KIAA1328: variants seen among roughly 807,000 people sequenced by gnomAD.
KIAA1328 encodes KIAA1328, also known as protein hinderin.
A neutral mutation model predicts 68.1 loss-of-function variants in KIAA1328; 52 were observed. The ratio of observed to expected loss-of-function variants is 0.76; its 90% CI spans 0.61 to 0.96. The LOEUF is 0.96. KIAA1328 is among the 40% of genes least tolerant of loss of function. The pLI, the probability that KIAA1328 is intolerant of heterozygous loss-of-function variation, is 0.00. For synonymous variants in KIAA1328, 232 were observed against 239.4 expected, an observed-to-expected ratio of 0.97 and a Z score of 0.28; for missense variants, 641 against 677.6, an observed-to-expected ratio of 0.95 and a Z score of 0.60.
At chr18:37,229,271 G>A (rs141519254), downstream of KIAA1328, among the ~76,000 whole-genome samples, 1 of 152,132 alleles carries the variant, frequency 6.6e-6, no homozygotes, top group African/African-American at 2.4e-5. Flanking sequence ...CACACCCTTG[G>A]CTGGGCCCTG....
chr18:36,849,286 T>C (rs968679969), intron 4 of KIAA1328, among the ~76,000 whole-genome samples: 1 of 152,012 alleles, frequency 6.6e-6, no homozygotes, highest in African/African-American at 2.4e-5. Context: ...TTTAATGTGG[T>C]AAAATACACA....
intron 7 of KIAA1328, among the ~76,000 whole-genome samples, chr18:37,085,221 G>A (rs1422785485): frequency 1.3e-5 from 2 of 152,110 alleles, no homozygotes; most frequent in Admixed American, 1.3e-4. Flanking sequence ...GTCTGGGACC[G>A]GGATGGGCTG....
chr18:37,060,134 G>A (rs999273578), intron 6 of KIAA1328, among the ~76,000 whole-genome samples: 1 of 151,976 alleles, frequency 6.6e-6, no homozygotes, highest in Non-Finnish European at 1.5e-5. Context: ...TTCTGCACAT[G>A]TATCCCAGAA....
chr18:36,888,419 CTT>C (rs1057417507), intron 5 of KIAA1328, among the ~76,000 whole-genome samples: 3 of 152,102 alleles, frequency 2.0e-5, no homozygotes, highest in Non-Finnish European at 4.4e-5. Context: ...AAGTCAAAGA[CTT>C]TTAGTCATGT....
rs58722044 is a variant in KIAA1328, at chr18:37,071,057, C to CTTTTTTTTTTT, written c.1232+3529_1232+3539dup. 1.3e-4 allele frequency among the ~76,000 whole-genome samples: 11 copies of CTTTTTTTTTTT among 86,836 alleles called. 1 individual carries two copies. The highest frequency in any genetic ancestry group is 3.4e-4 in the East Asian group (1 of 2,982). The allele number at this position is 86,836 out of a possible 152,430, so 57.0% of individuals were successfully genotyped here. On this transcript the variant is annotated intron_variant, in intron 7 of 9. Transcript: ENST00000280020. ...TTTTTTGTTTTTGATTTTTTTCTTC[C>CTTTTTTTTTTT]TTTTTTTTTTTTTTTTTTTTTTTTT...
At chr18:36,989,186 T>C (rs954139228) in intron 6 of KIAA1328, among the ~76,000 whole-genome samples, 3 of 152,196 alleles carry the variant, frequency 2.0e-5, no homozygotes, top group Non-Finnish European at 4.4e-5. Flanking sequence ...TTTTCGTTTC[T>C]CTCAGTCTTG....
chr18:37,124,284 A>G (rs1474869581), intron 7 of KIAA1328, among the ~76,000 whole-genome samples: 1 of 152,152 alleles, frequency 6.6e-6, no homozygotes, highest in Admixed American at 6.5e-5. Flanking sequence ...TGGTTGCTCA[A>G]GCAAATAATT....
chr18:36,897,835 G>A (rs1363666836), intron 5 of KIAA1328, among the ~76,000 whole-genome samples: 3 of 152,072 alleles, frequency 2.0e-5, no homozygotes, highest in Non-Finnish European at 4.4e-5. Context: ...TTATATAGTA[G>A]CTTGGCATGG....
intron 1 of KIAA1328, chr18:36,832,562 G>A (rs2046528175): frequency 6.7e-6 from 1 of 149,914 alleles, no homozygotes; most frequent in Non-Finnish European, 1.5e-5. Context: ...ACTCCAGCCT[G>A]GGTGGCAGAG....
At chr18:36,881,282 T>C (rs1016557763) in intron 4 of KIAA1328, among the ~76,000 whole-genome samples, 3 of 152,164 alleles carry the variant, frequency 2.0e-5, no homozygotes, top group Non-Finnish European at 4.4e-5. Context: ...GTGTGTACTT[T>C]TATAAGTTTT....
intron 5 of KIAA1328, chr18:36,921,252 T>A (rs1370795783): frequency 2.0e-5 from 3 of 152,138 alleles, no homozygotes; most frequent in Non-Finnish European, 4.4e-5. Context: ...AGGGTTATTT[T>A]TTTTTTTTTG....
At chr18:36,841,797 C>T (rs1037447202) in intron 3 of KIAA1328, among the ~76,000 whole-genome samples, 3 of 152,192 alleles carry the variant, frequency 2.0e-5, no homozygotes, top group Non-Finnish European at 4.4e-5. Context: ...AAGCCCTGTC[C>T]TACAGTGTAA....
chr18:36,888,745 A>C (rs536436044), intron 5 of KIAA1328, among the ~76,000 whole-genome samples: 18 of 152,300 alleles, frequency 1.2e-4, no homozygotes, highest in Middle Eastern at 3.4e-3. Flanking sequence ...TTTACAGTAC[A>C]TAAAGCTCTA....
intron 6 of KIAA1328, among the ~76,000 whole-genome samples, chr18:36,989,636 G>A (rs1007462689): frequency 1.3e-5 from 2 of 152,142 alleles, no homozygotes; most frequent in Non-Finnish European, 2.9e-5. Flanking sequence ...CATGAGCCAA[G>A]GAAGACAAAT....
chr18:36,881,491 A>T (rs1211097036), intron 4 of KIAA1328, among the ~76,000 whole-genome samples: 2 of 152,172 alleles, frequency 1.3e-5, no homozygotes, highest in East Asian at 3.9e-4. Flanking sequence ...GGAATAAAAT[A>T]TATAATTCCA....
At chr18:37,161,479 T>A (rs1329673155) in intron 8 of KIAA1328, among the ~76,000 whole-genome samples, 1 of 152,234 alleles carries the variant, frequency 6.6e-6, no homozygotes, top group Non-Finnish European at 1.5e-5. Flanking sequence ...GTACATTTTG[T>A]TAGACATAAG....
intron 6 of KIAA1328, among the ~76,000 whole-genome samples, chr18:37,000,774 A>G (rs1204365865): frequency 6.6e-6 from 1 of 152,196 alleles, no homozygotes; most frequent in Non-Finnish European, 1.5e-5. Flanking sequence ...AAATTAAACA[A>G]TATGCTCCTG....
chr18:37,168,079 C>T (rs900654780), intron 8 of KIAA1328, among the ~76,000 whole-genome samples: 7 of 152,316 alleles, frequency 4.6e-5, no homozygotes, highest in African/African-American at 1.7e-4. Context: ...AATCAATCAA[C>T]GTAATACACA....
chr18:36,846,202 A>G (rs2047022889), intron 4 of KIAA1328, among the ~76,000 whole-genome samples: 1 of 151,616 alleles, frequency 6.6e-6, no homozygotes, highest in Non-Finnish European at 1.5e-5. Context: ...CATATAAAGC[A>G]GTGGCAACAA....
Sources: gnomAD v4.1 joint callset for allele counts (sites outside exome capture counted in the v4.1 genomes callset) on GRCh38, gnomAD v4.1.1 for gene constraint, MANE v1.5 for transcripts, NCBI Gene and HGNC (gene_info 2026-07-23, HGNC 2026-07-21) for gene names.